Variants in IMPA2 observed in about 807,000 individuals in gnomAD.
The protein encoded by IMPA2 is inositol monophosphatase 2.
A neutral mutation model predicts 35.1 loss-of-function variants in IMPA2; 32 were observed. The ratio of observed to expected loss-of-function variants is 0.91; its 90% CI spans 0.69 to 1.23. The LOEUF (loss-of-function observed/expected upper bound fraction) is 1.23. IMPA2 is among the 50% of genes most tolerant of loss of function. The pLI, the probability that IMPA2 is intolerant of heterozygous loss-of-function variation, is 0.00. For synonymous variants in IMPA2, 135 were observed against 160.6 expected, an observed-to-expected ratio of 0.84 and a Z score of 1.20; for missense variants, 334 against 387.6, an observed-to-expected ratio of 0.86 and a Z score of 1.16.
chr18:11,993,207 A>C (rs1043221188), intron 1 of IMPA2, among the ~76,000 whole-genome samples: 1 of 152,220 alleles, frequency 6.6e-6, no homozygotes, highest in East Asian at 1.9e-4. Context: ...AATGAAGGCC[A>C]TGAGAACCCA....
chr18:12,018,652 T>C (rs1378773506), intron 5 of IMPA2, among the ~76,000 whole-genome samples: 1 of 152,224 alleles, frequency 6.6e-6, no homozygotes, highest in East Asian at 1.9e-4. Context: ...GTGAATAATA[T>C]ATTTTTATGG....
At chr18:11,984,877 A>G (rs1263511788) in intron 1 of IMPA2, among the ~76,000 whole-genome samples, 1 of 151,402 alleles carries the variant, frequency 6.6e-6, no homozygotes, top group Non-Finnish European at 1.5e-5. Flanking sequence ...CTGAGGCAGG[A>G]GAATGGCGTG....
chr18:12,027,474 A>G (rs558213047), intron 5 of IMPA2, among the ~76,000 whole-genome samples: 7 of 151,998 alleles, frequency 4.6e-5, no homozygotes, highest in African/African-American at 1.7e-4. Flanking sequence ...CGATTGCAGC[A>G]GTTAGACGAT....
intron 5 of IMPA2, among the ~76,000 whole-genome samples, chr18:12,022,528 A>AAC (rs68185380): frequency 5.2e-5 from 5 of 96,822 alleles, no homozygotes; most frequent in Non-Finnish European, 4.0e-5. Flanking sequence ...TCTCAAAAAG[A>AAC]ATATATATAT....
intron 1 of IMPA2, among the ~76,000 whole-genome samples, chr18:11,989,726 T>C (rs535771890): frequency 6.6e-6 from 1 of 152,250 alleles, no homozygotes; most frequent in African/African-American, 2.4e-5. Flanking sequence ...CTGTGCCCCC[T>C]TAAGGAGAGG....
At chr18:12,027,101 G>A (rs767972628) in intron 5 of IMPA2, among the ~76,000 whole-genome samples, 2 of 152,210 alleles carry the variant, frequency 1.3e-5, no homozygotes, top group Non-Finnish European at 2.9e-5. Flanking sequence ...TGTTTCCCCC[G>A]ACTTTGGGAG....
At chr18:12,014,730 A>G (rs1378714511) in intron 5 of IMPA2, among the ~76,000 whole-genome samples, 4 of 151,604 alleles carry the variant, frequency 2.6e-5, no homozygotes, top group Non-Finnish European at 4.4e-5. Context: ...GGTGGTCCCG[A>G]TTTTGCCCAG....
intron 6 of IMPA2, 158 bp downstream of exon 6, chr18:12,028,309 G>T (rs533970432): frequency 1.2e-5 from 7 of 608,370 alleles, no homozygotes; most frequent in Non-Finnish European, 2.1e-5. Context: ...TGAGGGGCCC[G>T]CCTGCAGTAG....
chr18:11,998,174 ACAAAG>A (rs1300465403), intron 1 of IMPA2, among the ~76,000 whole-genome samples: 3 of 152,202 alleles, frequency 2.0e-5, no homozygotes, highest in Admixed American at 6.5e-5. Flanking sequence ...GTAAAACAAA[ACAAAG>A]CAAAACAAAA....
intron 1 of IMPA2, among the ~76,000 whole-genome samples, chr18:11,984,937 C>G (rs1444412276): frequency 4.8e-5 from 7 of 144,840 alleles, no homozygotes; most frequent in Non-Finnish European, 1.0e-4. Flanking sequence ...CACTGCACTC[C>G]AGCCTGAGCG....
At chr18:12,014,567 G>A (rs1907526035) in intron 5 of IMPA2, among the ~76,000 whole-genome samples, 194 bp downstream of exon 5, 1 of 152,040 alleles carries the variant, frequency 6.6e-6, no homozygotes, top group African/African-American at 2.4e-5. Context: ...CACGTGGCCA[G>A]GAGCTTTAAA....
Position 12,030,333 on chromosome 18 carries a change from C to T in IMPA2, c.752-10C>T. The T allele has an allele frequency of 6.2e-7, 1 of 1,610,788 alleles. No individual in the cohort carries two copies. Among genetic ancestry groups the T allele is most frequent in the Non-Finnish European group, 8.5e-7 (1 of 1,176,900 alleles). ...AACCCGGATGCCTGGCTCTCTCTGT[C>T]TGTCCCCAGGTGGACCCCTCGACCT... On this transcript the variant is annotated splice_polypyrimidine_tract_variant and intron_variant, in intron 7 of 7. Transcript: ENST00000269159.
chr18:12,023,278 C>T (rs1484997930), intron 5 of IMPA2, among the ~76,000 whole-genome samples: 1 of 152,156 alleles, frequency 6.6e-6, no homozygotes, highest in Admixed American at 6.5e-5. Flanking sequence ...AGTCTGGCCC[C>T]ACCATGTAAT....
In IMPA2 at chr18:12,022,528, A is replaced by AAAATATATATATATATATAT. The variant is rs68185380; in HGVS notation, c.491-5514_491-5513insAATATATATATATATATATA. On this transcript the variant is annotated intron_variant, in intron 5 of 7. Coordinates refer to ENST00000269159, the MANE Select transcript of IMPA2 (RefSeq NM_014214.3). The stretch of plus-strand genomic sequence containing the variant: ...CAGAATGGGGCTCCATCTCAAAAAG[A>AAAATATATATATATATATAT]ATATATATATATATATATATATATA... Among the ~76,000 whole-genome samples the AAAATATATATATATATATAT allele has an allele frequency of 4.4e-3, 426 of 96,724 alleles. 12 individuals carry two copies. The highest frequency in any genetic ancestry group is 0.018 in the African/African-American group (414 of 23,078). The allele number at this position is 96,724 out of a possible 152,430, so 63.5% of individuals were successfully genotyped here. A position where few individuals can be genotyped will look rare whatever the true frequency, so the allele number is the denominator to read the frequency against.
chr18:12,016,062 A>G (rs1406811058), intron 5 of IMPA2, among the ~76,000 whole-genome samples: 2 of 152,250 alleles, frequency 1.3e-5, no homozygotes, highest in South Asian at 2.1e-4. Flanking sequence ...TGAAGGAAAC[A>G]TGAAGTGCTC....
In IMPA2 at chr18:11,991,818, T is replaced by C. The variant is rs1906822183; in HGVS notation, c.97-7236T>C. On this transcript the variant is annotated intron_variant, in intron 1 of 7. Transcript: ENST00000269159. The surrounding 1 kb of genome is among the most constrained non-coding windows in gnomAD (Gnocchi z 4.1). ...GGATCTACTTTCCTGATTAAGATGC[T>C]GATGCCCTCGCAGAAACACCCAGAA... is the stretch of plus-strand genomic sequence containing the variant. Among the ~76,000 whole-genome samples the C allele has an allele frequency of 1.3e-5, 2 of 151,718 alleles. No individual in the cohort carries two copies. The highest frequency in any genetic ancestry group is 6.6e-5 in the Admixed American group (1 of 15,250).
intron 1 of IMPA2, among the ~76,000 whole-genome samples, chr18:11,984,100 C>T (rs1906586261): frequency 6.6e-6 from 1 of 152,196 alleles, no homozygotes; most frequent in African/African-American, 2.4e-5. Context: ...AAGGAGAGAC[C>T]TTCCAAGAGA....
chr18:12,018,455 G>A (rs1907641858), intron 5 of IMPA2, among the ~76,000 whole-genome samples: 1 of 152,122 alleles, frequency 6.6e-6, no homozygotes, highest in South Asian at 2.1e-4. Context: ...CAGATTTAAC[G>A]CCACCACTGT....
chr18:12,025,136 G>A (rs894671194), intron 5 of IMPA2, among the ~76,000 whole-genome samples: 3 of 152,180 alleles, frequency 2.0e-5, no homozygotes, highest in African/African-American at 7.2e-5. Context: ...CATACGGTGT[G>A]TAGCTTTTGA....
Sources: allele counts gnomAD v4.1 joint callset (sites outside exome capture counted in the v4.1 genomes callset), GRCh38; gene constraint gnomAD v4.1.1; non-coding constraint Gnocchi (gnomAD v3.1); transcripts MANE v1.5; gene names NCBI Gene and HGNC (gene_info 2026-07-23, HGNC 2026-07-21).